Variants in PDE4D observed in about 807,000 individuals in gnomAD.
The protein encoded by PDE4D is phosphodiesterase 4D, also known as 3',5'-cyclic-AMP phosphodiesterase 4D.
Under a neutral mutation model 87.4 loss-of-function variants are expected in PDE4D, and 24 were observed. The observed-to-expected ratio is 0.27, with a 90% CI of 0.20 to 0.39. The LOEUF is 0.39. Among genes scored for constraint, PDE4D ranks in the 10% least tolerant of loss-of-function variants. The probability of loss-of-function intolerance (pLI) is 1.00; values close to 1 mark genes in which losing one functional copy is unlikely to be tolerated. For synonymous variants in PDE4D, 384 were observed against 383.2 expected (o/e 1.00, Z -0.02); for missense variants, 714 against 1,041.0 (o/e 0.69, Z 4.32).
chr5:60,050,471 A>G (rs528721705), intron 2 of PDE4D, among the ~76,000 whole-genome samples: 1 of 152,236 alleles, frequency 6.6e-6, no homozygotes, highest in Non-Finnish European at 1.5e-5. Context: ...AATCCTTTAC[A>G]GACAACCCAA....
At chr5:59,848,811 C>CT (rs1744257892) in intron 1 of PDE4D, among the ~76,000 whole-genome samples, 1 of 151,916 alleles carries the variant, frequency 6.6e-6, no homozygotes, top group African/African-American at 2.4e-5. Context: ...AATCCGTAAC[C>CT]GGGGTAAGGG....
chr5:60,499,572 G>T (rs986144049), intron 1 of PDE4D, among the ~76,000 whole-genome samples: 1 of 152,170 alleles, frequency 6.6e-6, no homozygotes, highest in African/African-American at 2.4e-5. Flanking sequence ...GCTCTCTTTG[G>T]AAATGGATGT....
At chr5:60,140,551 G>A (rs1251911252) in intron 2 of PDE4D, among the ~76,000 whole-genome samples, 7 of 140,964 alleles carry the variant, frequency 5.0e-5, no homozygotes, top group South Asian at 2.3e-4. Flanking sequence ...AATAAAAGGA[G>A]AAAAAAAAAA....
intron 1 of PDE4D, among the ~76,000 whole-genome samples, chr5:59,475,457 C>A (rs573443791): frequency 1.3e-5 from 2 of 152,082 alleles, no homozygotes; most frequent in Admixed American, 1.3e-4. Flanking sequence ...CTTACTTTCA[C>A]TCTCAAGTCA....
chr5:58,988,396 C>A, intron 11 of PDE4D, 97 bp downstream of exon 11: 1 of 456,214 alleles, frequency 2.2e-6, no homozygotes, highest in Admixed American at 4.0e-5. Flanking sequence ...CTCAAAAGAA[C>A]ATTATGGCTC....
intron 1 of PDE4D, among the ~76,000 whole-genome samples, chr5:59,751,574 G>GGT (rs57407769): frequency 0.05 from 7,117 of 142,636 alleles, 212 homozygotes; most frequent in South Asian, 0.097. Flanking sequence ...ATAAATCCCT[G>GGT]GTGTGTGTGT....
intron 2 of PDE4D, among the ~76,000 whole-genome samples, chr5:60,005,674 T>A (rs1331953251): frequency 6.6e-6 from 1 of 151,966 alleles, no homozygotes; most frequent in Non-Finnish European, 1.5e-5. Flanking sequence ...CAAAATATGC[T>A]TATCCTCTCA....
intron 1 of PDE4D, among the ~76,000 whole-genome samples, chr5:59,562,313 C>A (rs1820168248): frequency 6.6e-6 from 1 of 152,078 alleles, no homozygotes; most frequent in South Asian, 2.1e-4. Flanking sequence ...AACACCAGAT[C>A]TTTTATTTGA....
intron 1 of PDE4D, among the ~76,000 whole-genome samples, chr5:59,459,037 C>T (rs1191874868): frequency 2.6e-5 from 4 of 152,006 alleles, no homozygotes; most frequent in Non-Finnish European, 4.4e-5. Flanking sequence ...AATGAATATT[C>T]GATGATTAAT....
intron 1 of PDE4D, among the ~76,000 whole-genome samples, chr5:60,200,062 C>T (rs1162333840): frequency 1.3e-5 from 2 of 151,670 alleles, no homozygotes; most frequent in Admixed American, 6.6e-5. Flanking sequence ...CCAAAGTCCA[C>T]TTCACTCCTA....
At chr5:59,026,687 T>C (rs905467680) in intron 6 of PDE4D, among the ~76,000 whole-genome samples, 1 of 151,814 alleles carries the variant, frequency 6.6e-6, no homozygotes, top group African/African-American at 2.4e-5. Flanking sequence ...GTGGGAGACA[T>C]AGGACACCCC....
chr5:59,107,817 T>C (rs758681246), intron 5 of PDE4D, among the ~76,000 whole-genome samples: 1 of 152,230 alleles, frequency 6.6e-6, no homozygotes, highest in Non-Finnish European at 1.5e-5. Context: ...AGTTCTGGGC[T>C]TAAACATTAA....
chr5:59,705,940 T>C (rs1175090008), intron 1 of PDE4D, among the ~76,000 whole-genome samples: 1 of 152,102 alleles, frequency 6.6e-6, no homozygotes, highest in Non-Finnish European at 1.5e-5. Flanking sequence ...CTGCAGGAAG[T>C]TGGGGAAAGT....
At chr5:59,063,326 T>A (rs765071055) in intron 5 of PDE4D, 1 of 152,234 alleles carries the variant, frequency 6.6e-6, no homozygotes, top group African/African-American at 2.4e-5. Context: ...CCAGTGGAGA[T>A]GAAAGTTTCA....
chr5:59,435,827 GA>G (rs1347569838), intron 1 of PDE4D, among the ~76,000 whole-genome samples: 1 of 152,146 alleles, frequency 6.6e-6, no homozygotes, highest in African/African-American at 2.4e-5. Flanking sequence ...TTTGACAACT[GA>G]AATACATTGG....
At chr5:59,977,238 G>C (rs2152822229) in intron 3 of PDE4D, among the ~76,000 whole-genome samples, 1 of 152,292 alleles carries the variant, frequency 6.6e-6, no homozygotes, top group South Asian at 2.1e-4. Flanking sequence ...AGCTTTTGAA[G>C]GAAATTAAAA....
chr5:59,183,487 C>T (rs1194370048), intron 4 of PDE4D, among the ~76,000 whole-genome samples: 1 of 152,158 alleles, frequency 6.6e-6, no homozygotes, highest in African/African-American at 2.4e-5. Context: ...AATGCTGGTA[C>T]CCAGGTGACC....
chr5:60,103,549 G>A, intron 2 of PDE4D, among the ~76,000 whole-genome samples: 1 of 152,294 alleles, frequency 6.6e-6, no homozygotes, highest in Non-Finnish European at 1.5e-5. Context: ...ACCATTGCTA[G>A]AATTTATATA....
chr5:59,105,789 G>A (rs574557786), intron 5 of PDE4D, among the ~76,000 whole-genome samples: 14 of 152,120 alleles, frequency 9.2e-5, no homozygotes, highest in Admixed American at 3.9e-4. Flanking sequence ...AACAAGCACC[G>A]ATGTGACTGG....
Sources: gnomAD v4.1 joint callset for allele counts (sites outside exome capture counted in the v4.1 genomes callset) on GRCh38, gnomAD v4.1.1 for gene constraint, MANE v1.5 for transcripts, NCBI Gene and HGNC (gene_info 2026-07-23, HGNC 2026-07-21) for gene names.